TGIF1: variants seen among roughly 807,000 people sequenced by gnomAD.
The protein encoded by TGIF1 is TGFB induced factor homeobox 1.
Under a neutral mutation model 19.3 loss-of-function variants are expected in TGIF1, and 4 were observed. The observed-to-expected ratio is 0.21, with a 90% CI of 0.10 to 0.47. The LOEUF (loss-of-function observed/expected upper bound fraction) is 0.47. Among genes scored for constraint, TGIF1 ranks in the 20% least tolerant of loss-of-function variants. TGIF1 has a pLI of 0.98. For missense variants in TGIF1, 275 were observed against 341.4 expected (o/e 0.81, Z 1.53); for synonymous variants, 122 against 129.3 (o/e 0.94, Z 0.38).
At chr18:3,432,060 G>A (rs930591162) in intron 2 of TGIF1, among the ~76,000 whole-genome samples, 6 of 150,860 alleles carry the variant, frequency 4.0e-5, no homozygotes, top group East Asian at 3.9e-4. Flanking sequence ...CCCAGGAGGC[G>A]GAGATTACAG....
exon 1 of TGIF1, chr18:3,412,168 G>GT (rs2082279491): frequency 6.6e-6 from 1 of 152,268 alleles, no homozygotes; most frequent in Non-Finnish European, 1.5e-5. Flanking sequence ...CGCGGTTCCG[G>GT]CCCCGCCGCG....
At chr18:3,449,447 T>G (rs897812010), upstream of TGIF1, 114 of 985,292 alleles carry the variant, frequency 1.2e-4, no homozygotes, top group Non-Finnish European at 1.3e-4. Context: ...GTCCGCAACG[T>G]GTCAGATTTC....
intron 2 of TGIF1, among the ~76,000 whole-genome samples, chr18:3,437,630 T>A (rs182418856): frequency 9.2e-5 from 14 of 152,198 alleles, no homozygotes; most frequent in Non-Finnish European, 1.8e-4. Context: ...TATTTGTTAA[T>A]TGTATTTCAA....
intron 1 of TGIF1, chr18:3,415,246 G>A: frequency 3.9e-6 from 1 of 255,912 alleles, no homozygotes; most frequent in Non-Finnish European, 8.2e-6. Context: ...ATGCTGCCTG[G>A]CCCCTGTGGA....
In TGIF1 at chr18:3,451,279, G is replaced by C. The variant is rs2082916420; in HGVS notation, c.16+774G>C. ...AGAGCAAGGCTGTCATTGTTTCCACGAAGTGTTCTGGAAGCTTTACAACTA... is the reference window on the plus strand; with the variant it reads ...AGAGCAAGGCTGTCATTGTTTCCACCAAGTGTTCTGGAAGCTTTACAACTA... On this transcript the variant is annotated intron_variant, in intron 1 of 2. Transcript: ENST00000343820. The surrounding 1 kb of genome is among the most constrained non-coding windows in gnomAD (Gnocchi z 5.4). 7 of 838,594 alleles carry C rather than the reference G, an allele frequency of 8.3e-6. No individual in the cohort carries two copies. In the South Asian group the frequency reaches 2.7e-4, roughly 33 times the overall value. 51.9% of individuals were successfully genotyped at this position (838,594 alleles called of 1,614,324 possible). A position where few individuals can be genotyped will look rare whatever the true frequency, so the allele number is the denominator to read the frequency against.
intron 2 of TGIF1, among the ~76,000 whole-genome samples, chr18:3,422,577 G>A (rs1291898518): frequency 1.3e-5 from 2 of 151,278 alleles, no homozygotes; most frequent in Non-Finnish European, 2.9e-5. Context: ...ATATTTTGTA[G>A]GCCTTCCCAT....
At chr18:3,445,753 A>AAG (rs2082735125), upstream of TGIF1, among the ~76,000 whole-genome samples, 1 of 89,708 alleles carries the variant, frequency 1.1e-5, no homozygotes. Context: ...AAAAAAAAAA[A>AAG]GAGAAGAAAA....
chr18:3,435,728 TCGGC>T (rs2082606247), intron 2 of TGIF1, among the ~76,000 whole-genome samples: 1 of 152,150 alleles, frequency 6.6e-6, no homozygotes, highest in South Asian at 2.1e-4. Flanking sequence ...CAATAATTGC[TCGGC>T]CACAGAATGT....
intron 1 of TGIF1, among the ~76,000 whole-genome samples, chr18:3,453,353 C>G (rs1422401831): frequency 6.6e-6 from 1 of 152,142 alleles, no homozygotes; most frequent in Non-Finnish European, 1.5e-5. Flanking sequence ...CCGGTGTCTC[C>G]CTGCCTCCCT....
intron 1 of TGIF1, among the ~76,000 whole-genome samples, chr18:3,417,056 A>G (rs1194847657): frequency 1.3e-5 from 2 of 152,196 alleles, no homozygotes; most frequent in Non-Finnish European, 2.9e-5. Flanking sequence ...GCAAAAATAT[A>G]TTTTTATAAA....
intron 1 of TGIF1, among the ~76,000 whole-genome samples, chr18:3,450,832 C>T (rs1434963025): frequency 6.6e-6 from 1 of 152,170 alleles, no homozygotes; most frequent in African/African-American, 2.4e-5. Flanking sequence ...CGTGGCTTCT[C>T]GCTCTTTCTC....
chr18:3,451,338 A>G lies in TGIF1; in HGVS notation c.16+833A>G. Reference sequence around the variant, plus strand: ...CGTCAGTTTGGTTTAAAAACAAAATACACCGGAGGGGGACGGGGGGTGGAG... The same window carrying G: ...CGTCAGTTTGGTTTAAAAACAAAATGCACCGGAGGGGGACGGGGGGTGGAG... On this transcript the variant is annotated intron_variant, in intron 1 of 2. Coordinates refer to ENST00000343820, the MANE Select transcript of TGIF1 (RefSeq NM_003244.4). This position sits in a 1 kb window ranked among gnomAD's most constrained non-coding sequence, Gnocchi z 5.4. 1.0e-6 allele frequency: 1 copy of G among 985,064 alleles called. No homozygotes were observed. The highest frequency in any genetic ancestry group is 1.2e-6 in the Non-Finnish European group (1 of 829,658). 61.0% of individuals were successfully genotyped at this position (985,064 alleles called of 1,614,324 possible).
exon 1 of TGIF1, chr18:3,412,243 C>G (rs1205934673): frequency 1.3e-5 from 2 of 152,206 alleles, no homozygotes; most frequent in South Asian, 2.1e-4. Flanking sequence ...AGCTCCTCAT[C>G]GAGAAACCCA....
chr18:3,434,168 G>A (rs977401076), intron 2 of TGIF1, among the ~76,000 whole-genome samples: 1 of 151,514 alleles, frequency 6.6e-6, no homozygotes, highest in African/African-American at 2.4e-5. Context: ...GGCAGGTGGA[G>A]CACTTGAAGT....
At position 3,451,474 on chromosome 18, in the gene TGIF1, T is replaced by C; in HGVS notation, c.16+969T>C. The C allele has an allele frequency of 1.0e-6, 1 of 987,558 alleles. No homozygotes were observed. The highest frequency in any genetic ancestry group is 1.2e-6 in the Non-Finnish European group (1 of 831,534). The allele number at this position is 987,558 out of a possible 1,614,324, so 61.2% of individuals were successfully genotyped here. On this transcript the variant is annotated intron_variant, in intron 1 of 2. Coordinates refer to ENST00000343820, the MANE Select transcript of TGIF1 (RefSeq NM_003244.4). This position sits in a 1 kb window ranked among gnomAD's most constrained non-coding sequence, Gnocchi z 5.4. ...CGAGTGTTCCGCTGTGGGCTGGAGG[T>C]GGCGTTTCTGTCGTGATTTATGTGG...
chr18:3,412,909 T>C (rs748655912), intron 1 of TGIF1: 1 of 152,230 alleles, frequency 6.6e-6, no homozygotes, highest in Non-Finnish European at 1.5e-5. Context: ...TCCTATCTAC[T>C]TGGGAGGCTG....
intron 2 of TGIF1, among the ~76,000 whole-genome samples, chr18:3,424,438 A>G (rs2082443628): frequency 2.0e-5 from 3 of 152,220 alleles, no homozygotes; most frequent in South Asian, 2.1e-4. Context: ...AGAAGCCATC[A>G]GTAACTGAGG....
chr18:3,449,447 T>C, upstream of TGIF1: 1 of 985,410 alleles, frequency 1.0e-6, no homozygotes, highest in Non-Finnish European at 1.2e-6. Context: ...GTCCGCAACG[T>C]GTCAGATTTC....
rs2082943093 is a variant in TGIF1 at position 3,451,716 on chromosome 18, G to T, written c.16+1211G>T. The stretch of plus-strand genomic sequence containing the variant: ...CGCGCGGAGCTTCCCTCTGCCTCCA[G>T]GCTTTCCCAGCGAGAGTGAAATTAA... On this transcript the variant is annotated intron_variant, in intron 1 of 2. Transcript: ENST00000343820. The surrounding 1 kb of genome is among the most constrained non-coding windows in gnomAD (Gnocchi z 5.4). The T allele has an allele frequency of 8.1e-7, 1 of 1,235,196 alleles. No homozygotes were observed. The allele number at this position is 1,235,196 out of a possible 1,614,324, so 76.5% of individuals were successfully genotyped here.
Sources: allele counts gnomAD v4.1 joint callset (sites outside exome capture counted in the v4.1 genomes callset), GRCh38; gene constraint gnomAD v4.1.1; non-coding constraint Gnocchi (gnomAD v3.1); transcripts MANE v1.5; gene names NCBI Gene and HGNC (gene_info 2026-07-23, HGNC 2026-07-21).